Variants in HECW2 observed in about 807,000 individuals in gnomAD.
The protein encoded by HECW2 is E3 ubiquitin-protein ligase HECW2.
A neutral mutation model predicts 175.2 loss-of-function variants in HECW2; 61 were observed. The observed-to-expected ratio is 0.35, with a 90% CI of 0.28 to 0.43. The LOEUF is 0.43. Ranked by LOEUF, HECW2 falls within the 20% of genes least tolerant of loss-of-function variation. The pLI, the probability that HECW2 is intolerant of heterozygous loss-of-function variation, is 1.00. For synonymous variants in HECW2, 671 were observed against 731.0 expected, an observed-to-expected ratio of 0.92 and a Z score of 1.32; for missense variants, 1,524 against 2,000.5, an observed-to-expected ratio of 0.76 and a Z score of 4.54.
intron 1 of HECW2, among the ~76,000 whole-genome samples, chr2:196,467,383 G>A (rs1184348840): frequency 6.6e-6 from 1 of 152,118 alleles, no homozygotes; most frequent in African/African-American, 2.4e-5. Context: ...GGGAGAGGAA[G>A]GAGGGAGGGA....
intron 2 of HECW2, among the ~76,000 whole-genome samples, chr2:196,385,100 C>T (rs1265776853): frequency 6.6e-6 from 1 of 151,924 alleles, no homozygotes. Context: ...TTTGTAGAGA[C>T]AGGGTCTTGC....
At chr2:196,341,234 A>G (rs1441655461) in intron 3 of HECW2, among the ~76,000 whole-genome samples, 4 of 148,274 alleles carry the variant, frequency 2.7e-5, no homozygotes, top group Non-Finnish European at 5.9e-5. Context: ...CAATCTGTGC[A>G]CTCCAACAGG....
In HECW2 at chr2:196,535,072, C is replaced by A. The variant is rs546712473; in HGVS notation, c.-36+58436G>T. On this transcript the variant is annotated intron_variant, in intron 1 of 28. Coordinates refer to ENST00000644978, the MANE Select transcript of HECW2 (RefSeq NM_001348768.2). Reference sequence around the variant, plus strand: ...TAACAAAAAAAAAAAAACAAAAAACCCACTCTCCTTCAACTGCTAAAAACG... The same window carrying A: ...TAACAAAAAAAAAAAAACAAAAAACACACTCTCCTTCAACTGCTAAAAACG... 1.6e-4 allele frequency among the ~76,000 whole-genome samples: 24 copies of A among 151,700 alleles called. 1 individual carries two copies. The East Asian group carries it at 1.9e-3, about 12-fold the overall frequency.
At chr2:196,267,672 A>C (rs1689567679) in intron 17 of HECW2, among the ~76,000 whole-genome samples, 1 of 152,246 alleles carries the variant, frequency 6.6e-6, no homozygotes, top group African/African-American at 2.4e-5. Context: ...CCACATAGAC[A>C]GGAAGACACA....
At chr2:196,235,648 CTTTTTTTTTTTT>C (rs757874073) in intron 21 of HECW2, among the ~76,000 whole-genome samples, 3 of 78,900 alleles carry the variant, frequency 3.8e-5, no homozygotes, top group Non-Finnish European at 4.8e-5. Context: ...ATGCATTATT[CTTTTTTTTTTTT>C]TTTTTTTTTT....
intron 1 of HECW2, among the ~76,000 whole-genome samples, chr2:196,575,559 T>C (rs1242223621): frequency 6.6e-6 from 1 of 152,128 alleles, no homozygotes; most frequent in Non-Finnish European, 1.5e-5. Flanking sequence ...TGTATGTATA[T>C]AGATATATAC....
At chr2:196,454,110 A>T (rs1463117840) in intron 1 of HECW2, among the ~76,000 whole-genome samples, 1 of 152,090 alleles carries the variant, frequency 6.6e-6, no homozygotes, top group Non-Finnish European at 1.5e-5. Context: ...TCCCAGGTTC[A>T]AGCAATTTAT....
chr2:196,575,681 T>G (rs530252491), intron 1 of HECW2, among the ~76,000 whole-genome samples: 2 of 152,264 alleles, frequency 1.3e-5, no homozygotes, highest in East Asian at 3.9e-4. Flanking sequence ...ACTGGGTAAT[T>G]TATAAAGAAA....
chr2:196,364,168 A>G (rs1054641302), intron 2 of HECW2, among the ~76,000 whole-genome samples: 3 of 152,190 alleles, frequency 2.0e-5, no homozygotes, highest in African/African-American at 4.8e-5. Flanking sequence ...TCCAAATACC[A>G]TAACATTTGG....
chr2:196,271,185 A>G lies in HECW2; in HGVS notation c.3335+8T>C, dbSNP rs373068714. 2.0e-6 allele frequency: 3 copies of G among 1,528,484 alleles called. No individual in the cohort carries two copies. Among genetic ancestry groups the G allele is most frequent in the Admixed American group, 1.7e-5 (1 of 59,654 alleles). 94.7% of individuals were successfully genotyped at this position (1,528,484 alleles called of 1,614,324 possible). ...GCAACTTGAACCAAATACCAATATTATTGTTACCTGAGTGAGTGATTCCTG... is the reference window on the plus strand; with the variant it reads ...GCAACTTGAACCAAATACCAATATTGTTGTTACCTGAGTGAGTGATTCCTG... On this transcript the variant is annotated splice_region_variant and intron_variant, in intron 17 of 28. Transcript: ENST00000644978.
chr2:196,255,321 ATTC>A (rs1409359896), intron 18 of HECW2, among the ~76,000 whole-genome samples: 1 of 151,852 alleles, frequency 6.6e-6, no homozygotes, highest in Non-Finnish European at 1.5e-5. Flanking sequence ...TTGTAAATCT[ATTC>A]TTCCAGTTGA....
At chr2:196,320,141 A>G (rs904605846) in intron 8 of HECW2, among the ~76,000 whole-genome samples, 198 bp downstream of exon 8, 4 of 152,208 alleles carry the variant, frequency 2.6e-5, no homozygotes, top group Non-Finnish European at 5.9e-5. Flanking sequence ...AAATGCAGGC[A>G]TCAATCTAAG....
intron 15 of HECW2, among the ~76,000 whole-genome samples, chr2:196,278,159 T>TA (rs1469522535): frequency 8.2e-6 from 1 of 121,338 alleles, no homozygotes; most frequent in Non-Finnish European, 1.8e-5. Flanking sequence ...TATAAAGAAA[T>TA]TCCACATTTA....
intron 2 of HECW2, among the ~76,000 whole-genome samples, chr2:196,381,358 T>C (rs952028370): frequency 6.6e-5 from 10 of 152,230 alleles, no homozygotes; most frequent in African/African-American, 2.4e-4. Context: ...GGTTTTATCT[T>C]CATTTCATAA....
At chr2:196,325,742 A>G (rs928485722) in intron 5 of HECW2, among the ~76,000 whole-genome samples, 1 of 152,242 alleles carries the variant, frequency 6.6e-6, no homozygotes, top group Non-Finnish European at 1.5e-5. Flanking sequence ...AATGTGATGA[A>G]TGTTAGGGGA....
chr2:196,222,070 T>C, intron 24 of HECW2, 141 bp downstream of exon 24: 1 of 633,602 alleles, frequency 1.6e-6, no homozygotes, highest in Non-Finnish European at 2.6e-6. Context: ...GCGGTTATTA[T>C]AACTGTGTGT....
Position 196,334,404 on chromosome 2 carries a change from T to C in HECW2, c.495+20A>G. On this transcript the variant is annotated intron_variant, in intron 4 of 28. Transcript: ENST00000644978. ...CCCAGCATGGATCTCACAAGGAAGCTGGCAGCGAGGGGCACTCACCATCAC... is the reference window on the plus strand; with the variant it reads ...CCCAGCATGGATCTCACAAGGAAGCCGGCAGCGAGGGGCACTCACCATCAC... 2.5e-6 allele frequency: 4 copies of C among 1,582,208 alleles called. No homozygotes were observed. Among genetic ancestry groups the C allele is most frequent in the Non-Finnish European group, 3.4e-6 (4 of 1,160,358 alleles).
intron 1 of HECW2, among the ~76,000 whole-genome samples, chr2:196,533,673 A>G (rs1688920681): frequency 6.6e-6 from 1 of 152,186 alleles, no homozygotes; most frequent in Non-Finnish European, 1.5e-5. Context: ...AATGTGTTTA[A>G]CTAGACAAGA....
chr2:196,417,680 C>T (rs1695291975), intron 2 of HECW2, among the ~76,000 whole-genome samples: 1 of 152,218 alleles, frequency 6.6e-6, no homozygotes, highest in South Asian at 2.1e-4. Context: ...AGTAACCTTG[C>T]TCAAATCAGC....
Sources: allele counts gnomAD v4.1 joint callset (sites outside exome capture counted in the v4.1 genomes callset), GRCh38; gene constraint gnomAD v4.1.1; transcripts MANE v1.5; gene names NCBI Gene and HGNC (gene_info 2026-07-23, HGNC 2026-07-21).